The following SDCCAG8 variants were observed in gnomAD, a reference collection of about 807,000 sequenced individuals.
SDCCAG8 encodes the protein SHH signaling and ciliogenesis regulator SDCCAG8.
SDCCAG8 carries 74 observed loss-of-function variants against 101.8 expected under a neutral mutation model. That is an observed-to-expected ratio of 0.73 (90% CI 0.60 to 0.88). The LOEUF (loss-of-function observed/expected upper bound fraction) is 0.88. SDCCAG8 is among the 40% of genes least tolerant of loss of function. The pLI, the probability that SDCCAG8 is intolerant of heterozygous loss-of-function variation, is 0.00. For missense variants in SDCCAG8, 787 were observed against 822.6 expected (o/e 0.96, Z 0.53); for synonymous variants, 281 against 292.9 (o/e 0.96, Z 0.41).
chr1:243,425,853 G>A (rs1048779945), intron 15 of SDCCAG8, among the ~76,000 whole-genome samples: 3 of 152,080 alleles, frequency 2.0e-5, no homozygotes, highest in South Asian at 2.1e-4. Flanking sequence ...CTGCATGGAC[G>A]GCAATCTGCT....
chr1:243,401,686 A>C (rs2079405570), intron 13 of SDCCAG8, among the ~76,000 whole-genome samples: 1 of 152,160 alleles, frequency 6.6e-6, no homozygotes, highest in Non-Finnish European at 1.5e-5. Context: ...ATTTAATTTT[A>C]AATGTGAATA....
rs1341709993 is a variant in SDCCAG8, at chr1:243,348,355, C to T, written c.1473+4024C>T. On this transcript the variant is annotated intron_variant, in intron 12 of 17. Transcript: ENST00000366541. The stretch of plus-strand genomic sequence containing the variant: ...ATGAGCCACCGCGCCCGGCCTGGGG[C>T]GGGAATTCTTACCTCCCTGTCCAGC... Among the ~76,000 whole-genome samples, 7 of 151,710 alleles carry T rather than the reference C, an allele frequency of 4.6e-5. No homozygotes were observed. The East Asian group carries it at 1.4e-3, about 30-fold the overall frequency.
At chr1:243,297,346 T>C (rs1385946738) in intron 6 of SDCCAG8, among the ~76,000 whole-genome samples, 2 of 152,240 alleles carry the variant, frequency 1.3e-5, no homozygotes, top group Admixed American at 1.3e-4. Flanking sequence ...ACGTTTGTGT[T>C]GTTTCCAGTT....
chr1:243,285,806 C>T (rs981733421), intron 4 of SDCCAG8, among the ~76,000 whole-genome samples: 2 of 152,204 alleles, frequency 1.3e-5, no homozygotes, highest in African/African-American at 4.8e-5. Context: ...ACAATTCTCT[C>T]TTATTTGGCT....
At chr1:243,441,674 T>A (rs2082543563) in intron 16 of SDCCAG8, among the ~76,000 whole-genome samples, 2 of 152,208 alleles carry the variant, frequency 1.3e-5, no homozygotes, top group South Asian at 2.1e-4. Flanking sequence ...TTTGTTAAAA[T>A]ATATATATGT....
At chr1:243,370,935 T>C (rs1246452005) in intron 12 of SDCCAG8, among the ~76,000 whole-genome samples, 1 of 152,124 alleles carries the variant, frequency 6.6e-6, no homozygotes, top group African/African-American at 2.4e-5. Flanking sequence ...AAGGTTAAGT[T>C]GCACGTTGAT....
chr1:243,326,313 C>G (rs896533133), intron 9 of SDCCAG8, among the ~76,000 whole-genome samples: 1 of 152,048 alleles, frequency 6.6e-6, no homozygotes, highest in Non-Finnish European at 1.5e-5. Context: ...AAACAGCAGC[C>G]TGGTAGGTTG....
At chr1:243,291,923 C>T (rs944253947) in intron 5 of SDCCAG8, among the ~76,000 whole-genome samples, 1 of 152,194 alleles carries the variant, frequency 6.6e-6, no homozygotes, top group African/African-American at 2.4e-5. Flanking sequence ...CCTACAATCC[C>T]TTCCTAATGT....
intron 1 of SDCCAG8, among the ~76,000 whole-genome samples, chr1:243,268,688 T>A (rs966204753): frequency 3.3e-5 from 5 of 152,252 alleles, no homozygotes; most frequent in Non-Finnish European, 5.9e-5. Flanking sequence ...GAGACTTTTT[T>A]TTTCTATTAA....
intron 14 of SDCCAG8, 30 bp from the exon 15 acceptor site, chr1:243,417,935 CTTA>C (rs1360460300): frequency 6.7e-7 from 1 of 1,481,900 alleles, no homozygotes; most frequent in African/African-American, 1.4e-5. Flanking sequence ...CCATAAACAT[CTTA>C]TGTTGGTGGG....
chr1:243,472,975 A>G (rs904407672), intron 16 of SDCCAG8, among the ~76,000 whole-genome samples: 1 of 152,094 alleles, frequency 6.6e-6, no homozygotes, highest in Non-Finnish European at 1.5e-5. Flanking sequence ...TTTAAAATTT[A>G]TCTCATATAC....
chr1:243,294,480 G>C (rs1441304595), intron 6 of SDCCAG8, among the ~76,000 whole-genome samples: 2 of 27,820 alleles, frequency 7.2e-5, no homozygotes, highest in Middle Eastern at 0.038. Context: ...AGGTGGGGGG[G>C]GGGAGAGAGA....
At chr1:243,298,897 A>T (rs932258348) in intron 6 of SDCCAG8, among the ~76,000 whole-genome samples, 6 of 152,312 alleles carry the variant, frequency 3.9e-5, no homozygotes, top group Admixed American at 1.3e-4. Context: ...ATTGTTCTTT[A>T]TCCTTTGGCC....
chr1:243,279,571 A>G (rs1274121607), intron 4 of SDCCAG8, among the ~76,000 whole-genome samples: 1 of 152,256 alleles, frequency 6.6e-6, no homozygotes, highest in Non-Finnish European at 1.5e-5. Flanking sequence ...AAAAATCATA[A>G]GTCAAACCAT....
At chr1:243,409,706 A>G (rs551321904) in intron 13 of SDCCAG8, among the ~76,000 whole-genome samples, 2 of 152,276 alleles carry the variant, frequency 1.3e-5, no homozygotes, top group South Asian at 4.1e-4. Context: ...TCCAGGATAA[A>G]TTGAGCATAA....
chr1:243,492,324 C>T (rs1457250713), intron 17 of SDCCAG8, among the ~76,000 whole-genome samples: 38 of 54,434 alleles, frequency 7.0e-4, no homozygotes, highest in Non-Finnish European at 1.0e-3. Context: ...TTTTTTGAGA[C>T]GGAGTCTTGC....
intron 17 of SDCCAG8, among the ~76,000 whole-genome samples, chr1:243,498,800 G>C (rs774520040): frequency 6.6e-6 from 1 of 152,222 alleles, no homozygotes; most frequent in Non-Finnish European, 1.5e-5. Flanking sequence ...CTGGAGAGGG[G>C]CAGGCCCACT....
intron 16 of SDCCAG8, among the ~76,000 whole-genome samples, chr1:243,487,200 G>A (rs1391303145): frequency 6.6e-6 from 1 of 152,184 alleles, no homozygotes; most frequent in Non-Finnish European, 1.5e-5. Context: ...GCCTAGGCAG[G>A]TTCCCCAGTC....
At chr1:243,259,527 T>C (rs1477885952) in intron 1 of SDCCAG8, among the ~76,000 whole-genome samples, 6 of 151,922 alleles carry the variant, frequency 3.9e-5, no homozygotes, top group African/African-American at 1.2e-4. Context: ...ACTTTCTTGT[T>C]TTTAAAATGA....
Sources: gnomAD v4.1 joint callset for allele counts (sites outside exome capture counted in the v4.1 genomes callset) on GRCh38, gnomAD v4.1.1 for gene constraint, MANE v1.5 for transcripts, NCBI Gene and HGNC (gene_info 2026-07-23, HGNC 2026-07-21) for gene names.